The following MYO16 variants were observed in gnomAD, a reference collection of about 807,000 sequenced individuals.
MYO16 encodes the protein myosin XVI, also known as unconventional myosin-XVI.
A neutral mutation model predicts 205.3 loss-of-function variants in MYO16; 94 were observed. The ratio of observed to expected loss-of-function variants is 0.46; its 90% CI spans 0.39 to 0.54. The LOEUF is 0.54. Among genes scored for constraint, MYO16 ranks in the 20% least tolerant of loss-of-function variants. MYO16 has a pLI of 0.00. For missense variants in MYO16, 2,315 were observed against 2,387.5 expected (o/e 0.97, Z 0.63); for synonymous variants, 988 against 954.0 (o/e 1.04, Z -0.66).
At chr13:108,537,968 G>C in the MYO16 span, among the ~76,000 whole-genome samples, 1 of 152,020 alleles carries the variant, frequency 6.6e-6, no homozygotes, top group African/African-American at 2.4e-5. Context: ...TAGTCTGTCT[G>C]TTCATTCTGT....
chr13:108,905,140 G>C (rs1032527864), intron 15 of MYO16, among the ~76,000 whole-genome samples: 6 of 152,046 alleles, frequency 3.9e-5, no homozygotes, highest in Non-Finnish European at 7.4e-5. Context: ...GGGTAGCTGG[G>C]CACATGGAAA....
chr13:108,587,454 G>A, the MYO16 span, among the ~76,000 whole-genome samples: 2 of 151,940 alleles, frequency 1.3e-5, no homozygotes, highest in African/African-American at 4.8e-5. Context: ...ATCATCAGGG[G>A]CCATATGATA....
At chr13:108,749,459 T>G (rs140085314) in intron 4 of MYO16, among the ~76,000 whole-genome samples, 2 of 152,224 alleles carry the variant, frequency 1.3e-5, no homozygotes, top group East Asian at 3.9e-4. Flanking sequence ...GGGCAAAAGA[T>G]CTTAACAGAC....
rs76113008 is a variant in MYO16 at position 108,891,424 on chromosome 13, A to G, written c.1659+2947A>G. On this transcript the variant is annotated intron_variant, in intron 14 of 34. Transcript: ENST00000457511. Reference sequence around the variant, plus strand: ...CGCAGGTCAAGAGACCACTAAATGCATATATGGAAAATCGTGTTCAATTCC... The same window carrying G: ...CGCAGGTCAAGAGACCACTAAATGCGTATATGGAAAATCGTGTTCAATTCC... 7.2e-3 allele frequency among the ~76,000 whole-genome samples: 1,103 copies of G among 152,322 alleles called. 17 individuals carry two copies. The highest frequency in any genetic ancestry group is 0.024 in the African/African-American group (1,014 of 41,562).
intron 23 of MYO16, among the ~76,000 whole-genome samples, chr13:109,042,111 G>A (rs1157042934): frequency 2.6e-5 from 4 of 152,038 alleles, no homozygotes; most frequent in South Asian, 4.1e-4. Context: ...TGATCCACCC[G>A]CCTCGGCCTC....
At chr13:108,665,176 C>A (rs1029661979) in intron 1 of MYO16, among the ~76,000 whole-genome samples, 1 of 152,152 alleles carries the variant, frequency 6.6e-6, no homozygotes, top group East Asian at 1.9e-4. Context: ...ACCTTAAACT[C>A]CTGGGCTTAT....
At chr13:108,607,807 C>A (rs1198675456) in intron 1 of MYO16, among the ~76,000 whole-genome samples, 1 of 152,126 alleles carries the variant, frequency 6.6e-6, no homozygotes, top group African/African-American at 2.4e-5. Context: ...CCAAAGCCAG[C>A]CAATAACACA....
chr13:108,798,002 A>G (rs1453475909), intron 6 of MYO16, among the ~76,000 whole-genome samples: 4 of 152,212 alleles, frequency 2.6e-5, no homozygotes, highest in Non-Finnish European at 4.4e-5. Context: ...TTGTTCTAAA[A>G]TAACCAAATC....
At chr13:108,986,575 T>A (rs1884642668) in intron 20 of MYO16, among the ~76,000 whole-genome samples, 1 of 131,388 alleles carries the variant, frequency 7.6e-6, no homozygotes, top group South Asian at 2.3e-4. Flanking sequence ...TGAGCCGAGA[T>A]GGTGCTATTG....
intron 1 of MYO16, among the ~76,000 whole-genome samples, chr13:108,633,224 T>C (rs535319391): frequency 2.0e-5 from 3 of 152,264 alleles, no homozygotes; most frequent in African/African-American, 7.2e-5. Context: ...ATAAGATAGA[T>C]GTATATATAA....
chr13:109,032,394 C>T (rs1886573425), intron 23 of MYO16, among the ~76,000 whole-genome samples: 2 of 152,026 alleles, frequency 1.3e-5, no homozygotes, highest in South Asian at 4.1e-4. Context: ...TCGCACATAT[C>T]CCCATCCTTT....
At position 109,089,612 on chromosome 13, in the gene MYO16, C is replaced by T. The variant is rs566475805; in HGVS notation, c.3336-11173C>T. Among the ~76,000 whole-genome samples the T allele has an allele frequency of 7.2e-5, 11 of 152,296 alleles. No homozygotes were observed. In the East Asian group the frequency reaches 2.1e-3, roughly 29 times the overall value. ...TAAAACAATAGGGAGGAACATCTAT[C>T]ATCCCATCTCCCATATTGATTTAGA... On this transcript the variant is annotated intron_variant, in intron 27 of 34. Coordinates refer to ENST00000457511, the MANE Select transcript of MYO16 (RefSeq NM_001198950.3).
chr13:108,941,264 G>A (rs570269063), intron 16 of MYO16, among the ~76,000 whole-genome samples: 22 of 152,134 alleles, frequency 1.4e-4, no homozygotes, highest in Admixed American at 1.4e-3. Context: ...AGACAGGAGA[G>A]GTCACTGGGA....
chr13:109,140,282 C>A lies in MYO16; in HGVS notation c.4070C>A (p.Pro1357Gln), dbSNP rs766561723. 1 of 1,600,306 alleles carries A rather than the reference C, an allele frequency of 6.2e-7. No individual in the cohort carries two copies. Among genetic ancestry groups the A allele is most frequent in the East Asian group, 2.2e-5 (1 of 44,692 alleles). Residue 1357 changes from proline (P) to glutamine (Q), a missense_variant, in exon 32 of 35, where the codon CCG becomes CAG. Physicochemically the swap from Pro to Gln is moderately conservative, Grantham distance 76. Transcript: ENST00000457511. This position sits in a 1 kb window ranked among gnomAD's most constrained non-coding sequence, Gnocchi z 8.0. ...GCCGCAGCTCTGGCCCGGCCCAGAC[C>A]GCACAGCGACGACTACAGCACCATG... ...AANEALARPR[P>Q]HSDDYSTMKK...
intron 20 of MYO16, among the ~76,000 whole-genome samples, chr13:108,990,126 T>C (rs1314970154): frequency 1.3e-5 from 2 of 149,466 alleles, no homozygotes; most frequent in Non-Finnish European, 3.0e-5. Flanking sequence ...AGAAAAATGA[T>C]GCAGCTCATC....
chr13:109,140,336 G>A lies in MYO16; in HGVS notation c.4124G>A (p.Arg1375His), dbSNP rs1375313578. 2.5e-6 allele frequency: 4 copies of A among 1,603,242 alleles called. No individual in the cohort carries two copies. Among genetic ancestry groups the A allele is most frequent in the East Asian group, 2.2e-5 (1 of 44,724 alleles). Residue 1375 changes from arginine (R) to histidine (H), a missense_variant, in exon 32 of 35, where the codon CGC (arginine) becomes CAC (histidine). Around this residue, in one of 3 missense-constraint regions of MYO16, gnomAD observed 1,097 missense variants for 1,092.0 expected, o/e 1.00. Transcript: ENST00000457511. This position sits in a 1 kb window ranked among gnomAD's most constrained non-coding sequence, Gnocchi z 8.0. ...AAGATTCCTCCTCGAAAGCCCAAGC[G>A]CAGCCCCAACACCAAGCTCAGCGGC... is the stretch of plus-strand genomic sequence containing the variant. ...MKKIPPRKPK[R>H]SPNTKLSGSY...
chr13:108,851,919 A>G (rs1305054311), intron 10 of MYO16, among the ~76,000 whole-genome samples: 1 of 151,812 alleles, frequency 6.6e-6, no homozygotes, highest in African/African-American at 2.4e-5. Context: ...CAGCTCCTTC[A>G]ATATCCCCTG....
chr13:108,578,584 T>G, the MYO16 span, among the ~76,000 whole-genome samples: 1 of 152,370 alleles, frequency 6.6e-6, no homozygotes, highest in Admixed American at 6.5e-5. Context: ...TGAAGAAAGC[T>G]GCCAGTGTCC....
chr13:108,716,406 G>T (rs1305419546), intron 3 of MYO16, among the ~76,000 whole-genome samples: 2 of 152,212 alleles, frequency 1.3e-5, no homozygotes, highest in African/African-American at 4.8e-5. Flanking sequence ...TTATGCAAAG[G>T]TTGTGAGACT....
Sources: gnomAD v4.1 joint callset for allele counts (sites outside exome capture counted in the v4.1 genomes callset) on GRCh38, gnomAD v4.1.1 for gene constraint, gnomAD v4.1.1 regional missense constraint, Gnocchi (gnomAD v3.1) non-coding constraint, MANE v1.5 for transcripts, NCBI Gene and HGNC (gene_info 2026-07-23, HGNC 2026-07-21) for gene names.